ITM2A: variants seen among roughly 807,000 people sequenced by gnomAD.
The protein encoded by ITM2A is BRICHOS domain containing 2A.
Under a neutral mutation model 16.6 loss-of-function variants are expected in ITM2A, and 11 were observed. The observed-to-expected ratio is 0.66, with a 90% CI of 0.42 to 1.10. The LOEUF is 1.10. ITM2A is among the 50% of genes least tolerant of loss of function. ITM2A has a pLI of 0.00. For synonymous variants in ITM2A, 102 were observed against 71.2 expected, an observed-to-expected ratio of 1.43 and a Z score of -2.18; for missense variants, 243 against 206.8, an observed-to-expected ratio of 1.17 and a Z score of -1.07.
In ITM2A at chrX:79,367,309, T is replaced by C. The variant is rs1437398327; in HGVS notation, c.-94A>G. On this transcript the variant is annotated 5_prime_UTR_variant, in exon 1 of 6. Transcript: ENST00000373298. ...AGATCCTGTTAGCCCAAACAGCACT[T>C]ACTTTATCTTCAGTCTAACACTACT... The C allele has an allele frequency of 1.9e-6, 1 of 526,765 alleles. No homozygotes were observed. The highest frequency in any genetic ancestry group is 3.8e-5 in the East Asian group (1 of 26,573). 43.4% of individuals were successfully genotyped at this position (526,765 alleles called of 1,213,427 possible).
At position 79,361,390 on chromosome X, in the gene ITM2A, A is replaced by G; in HGVS notation, c.642T>C (p.Phe214=). The change falls in exon 5 of 6, where the codon TTT becomes TTC. Residue 214 remains phenylalanine (F), a synonymous_variant. Coordinates refer to ENST00000373298, the MANE Select transcript of ITM2A (RefSeq NM_004867.5). ...EIRDVSNLGI[F]IYQLCNNRKS... ...TTCTGTTATTGCAAAGTTGGTAAAT[A>G]AAGATGCCAAGGTTACTAACATCAC... 1.7e-6 allele frequency: 2 copies of G among 1,208,550 alleles called. No individual in the cohort carries two copies. Among genetic ancestry groups the G allele is most frequent in the Non-Finnish European group, 2.2e-6 (2 of 892,389 alleles).
chrX:79,366,650 C>T (rs755346785), intron 1 of ITM2A, among the ~76,000 whole-genome samples: 6 of 111,573 alleles, frequency 5.4e-5, no homozygotes, highest in Non-Finnish European at 1.1e-4. Flanking sequence ...AGTCTTAGAA[C>T]TTCATCCACA....
At chrX:79,362,483 A>G (rs1257126730) in intron 4 of ITM2A, 98 bp downstream of exon 4, 2 of 454,336 alleles carry the variant, frequency 4.4e-6, no homozygotes, top group Admixed American at 9.0e-5. Context: ...TTTCAATAAA[A>G]TAAAATGTTT....
chrX:79,365,774 T>G (rs1038960700), intron 1 of ITM2A, among the ~76,000 whole-genome samples: 1 of 111,886 alleles, frequency 8.9e-6, no homozygotes, highest in Non-Finnish European at 1.9e-5. Flanking sequence ...GGAGAACAAT[T>G]ACATATTTGA....
chrX:79,363,126 C>T lies in ITM2A; in HGVS notation c.257G>A (p.Arg86His), dbSNP rs753512845. The change falls in exon 3 of 6, where the codon CGT (arginine) becomes CAT (histidine). Residue 86 changes from arginine to histidine, a missense_variant. Physicochemically the swap from Arg to His is conservative, Grantham distance 29. Transcript: ENST00000373298. Reference protein sequence around the residue: ...KYFMPKSTIYRGEMCFFDSED... With the variant: ...KYFMPKSTIYHGEMCFFDSED... The stretch of plus-strand genomic sequence containing the variant: ...AGAATCAAAAAAGCACATCTCTCCA[C>T]GGTAAATGGTGCTCTAAAAGACAAA... 1.7e-5 allele frequency: 20 copies of T among 1,204,136 alleles called. No individual in the cohort carries two copies. Among genetic ancestry groups the T allele is most frequent in the Admixed American group, 1.3e-4 (6 of 45,479 alleles).
Position 79,360,940 on chromosome X carries a change from T to G in ITM2A, c.*149A>C. ...AAAATTTGACAAGAGCTTGCAGTGG[T>G]TAGTAGTTTTTTTTTTTCCTTTTTT... is the stretch of plus-strand genomic sequence containing the variant. On this transcript the variant is annotated 3_prime_UTR_variant, in exon 6 of 6. Transcript: ENST00000373298. The G allele has an allele frequency of 3.9e-6, 1 of 259,440 alleles. No homozygotes were observed. The highest frequency in any genetic ancestry group is 6.2e-6 in the Non-Finnish European group (1 of 161,011). 21.4% of individuals were successfully genotyped at this position (259,440 alleles called of 1,213,427 possible). A position where few individuals can be genotyped will look rare whatever the true frequency, so the allele number is the denominator to read the frequency against.
chrX:79,363,633 C>A, intron 1 of ITM2A, 79 bp from the exon 2 acceptor site: 1 of 663,132 alleles, frequency 1.5e-6, no homozygotes, highest in South Asian at 5.5e-5. Flanking sequence ...TACAATTTAC[C>A]TCCCTTGAAA....
At position 79,367,114 on chromosome X, in the gene ITM2A, C is replaced by A; in HGVS notation, c.102G>T (p.Leu34=). The change falls in exon 1 of 6, where the codon CTG becomes CTT. Residue 34 remains leucine, a synonymous_variant. Coordinates refer to ENST00000373298, the MANE Select transcript of ITM2A (RefSeq NM_004867.5). ...LLSRTVRTQI[L]TGKELRVATQ... Reference sequence around the variant, plus strand: ...GCCCTGGGACAGCTACCTTGCCGGTCAGTATCTGAGTTCTGACCGTGCGGC... The same window carrying A: ...GCCCTGGGACAGCTACCTTGCCGGTAAGTATCTGAGTTCTGACCGTGCGGC... 8.4e-7 allele frequency: 1 copy of A among 1,189,255 alleles called. No individual in the cohort carries two copies. The highest frequency in any genetic ancestry group is 1.8e-5 in the South Asian group (1 of 55,153).
chrX:79,362,375 C>T (rs1925448000), intron 4 of ITM2A, among the ~76,000 whole-genome samples: 1 of 111,695 alleles, frequency 9.0e-6, no homozygotes, highest in Non-Finnish European at 1.9e-5. Flanking sequence ...CTTAAGGACA[C>T]TATTTAAATC....
chrX:79,362,663 A>G lies in ITM2A; in HGVS notation c.470T>C (p.Leu157Pro). ...GAGGGGCATCAGATAGCAGTTCCCCAGCAACAAGTCCAGGTAAGCAGTCAT... is the reference window on the plus strand; with the variant it reads ...GAGGGGCATCAGATAGCAGTTCCCCGGCAACAAGTCCAGGTAAGCAGTCAT... Reference protein sequence around the residue: ...KGMTAYLDLLLGNCYLMPLNT... With the variant: ...KGMTAYLDLLPGNCYLMPLNT... Residue 157 changes from leucine to proline, a missense_variant, in exon 4 of 6, where the codon CTG becomes CCG. Transcript: ENST00000373298. 1.7e-6 allele frequency: 2 copies of G among 1,205,700 alleles called. No homozygotes were observed. The highest frequency in any genetic ancestry group is 5.9e-5 in the East Asian group (2 of 33,814).
Position 79,362,561 on chromosome X carries a change from T to G in ITM2A, c.552+20A>C, listed in dbSNP as rs1375747206. On this transcript the variant is annotated intron_variant, in intron 4 of 5. Coordinates refer to ENST00000373298, the MANE Select transcript of ITM2A (RefSeq NM_004867.5). ...TACTTGGAAATGCTTATATAAAAAT[T>G]TGACTTCCAAAATACATACCGCCAG... The G allele has an allele frequency of 1.0e-6, 1 of 978,394 alleles. No homozygotes were observed. The highest frequency in any genetic ancestry group is 1.9e-5 in the African/African-American group (1 of 52,077). 80.6% of individuals were successfully genotyped at this position (978,394 alleles called of 1,213,427 possible).
In ITM2A at chrX:79,363,094, G is replaced by T. The variant is rs1231361810; in HGVS notation, c.289C>A (p.Pro97Thr). The part of the protein sequence containing the change: ...GEMCFFDSED[P>T]ANSLRGGEPN... ...TCTCCTCCACGAAGGGAATTTGCAGGATCCTCAGAATCAAAAAAGCACATC... is the reference window on the plus strand; with the variant it reads ...TCTCCTCCACGAAGGGAATTTGCAGTATCCTCAGAATCAAAAAAGCACATC... The change falls in exon 3 of 6, where the codon CCT (proline) becomes ACT (threonine). Residue 97 changes from proline to threonine, a missense_variant. Coordinates refer to ENST00000373298, the MANE Select transcript of ITM2A (RefSeq NM_004867.5). The T allele has an allele frequency of 1.2e-5, 14 of 1,207,675 alleles. No individual in the cohort carries two copies. Among genetic ancestry groups the T allele is most frequent in the Middle Eastern group, 4.6e-4 (2 of 4,367 alleles).
At chrX:79,364,453 A>G (rs1249175601) in intron 1 of ITM2A, among the ~76,000 whole-genome samples, 1 of 111,991 alleles carries the variant, frequency 8.9e-6, no homozygotes, top group Non-Finnish European at 1.9e-5. Context: ...TTGAAACAAG[A>G]AAGATCCAAA....
At chrX:79,366,567 A>G (rs1292385133) in intron 1 of ITM2A, among the ~76,000 whole-genome samples, 1 of 111,062 alleles carries the variant, frequency 9.0e-6, no homozygotes, top group Non-Finnish European at 1.9e-5. Context: ...CCCAACCCAT[A>G]CTGCTTGGAG....
intron 5 of ITM2A, 65 bp from the exon 6 acceptor site, chrX:79,361,242 C>T: frequency 8.9e-7 from 1 of 1,125,557 alleles, no homozygotes. Flanking sequence ...TATATCCAGA[C>T]TTGTTCCCCA....
At position 79,363,108 on chromosome X, in the gene ITM2A, A is replaced by G. The variant is rs751925284; in HGVS notation, c.275T>C (p.Phe92Ser). 2.5e-6 allele frequency: 3 copies of G among 1,207,065 alleles called. No individual in the cohort carries two copies. Among genetic ancestry groups the G allele is most frequent in the African/African-American group, 3.5e-5 (2 of 56,989 alleles). Residue 92 changes from phenylalanine to serine, a missense_variant, in exon 3 of 6, where the codon TTT becomes TCT. Coordinates refer to ENST00000373298, the MANE Select transcript of ITM2A (RefSeq NM_004867.5). The stretch of plus-strand genomic sequence containing the variant: ...GGAATTTGCAGGATCCTCAGAATCA[A>G]AAAAGCACATCTCTCCACGGTAAAT... The part of the protein sequence containing the change: ...STIYRGEMCF[F>S]DSEDPANSLR...
chrX:79,367,081 C>T (rs370393255), intron 1 of ITM2A, 24 bp downstream of exon 1: 3 of 1,066,891 alleles, frequency 2.8e-6, no homozygotes, highest in Non-Finnish European at 3.8e-6. Flanking sequence ...CCACCCCTCC[C>T]CCATCCCGCC....
chrX:79,364,706 G>GCTAA (rs1398768851), intron 1 of ITM2A, among the ~76,000 whole-genome samples: 1 of 111,822 alleles, frequency 8.9e-6, no homozygotes, highest in Non-Finnish European at 1.9e-5. Context: ...GTTTATCAGA[G>GCTAA]CTAACTAACC....
At chrX:79,361,627 C>T in intron 4 of ITM2A, 148 bp from the exon 5 acceptor site, 2 of 472,792 alleles carry the variant, frequency 4.2e-6, no homozygotes, top group Non-Finnish European at 7.1e-6. Context: ...GGTATTAAGC[C>T]TAGTACCTAC....
Sources: allele counts gnomAD v4.1 joint callset (sites outside exome capture counted in the v4.1 genomes callset), GRCh38; gene constraint gnomAD v4.1.1; transcripts MANE v1.5; gene names NCBI Gene and HGNC (gene_info 2026-07-23, HGNC 2026-07-21).